Variants in HTR2C observed in about 807,000 individuals in gnomAD.
HTR2C encodes 5-hydroxytryptamine (serotonin) receptor 2C, G protein-coupled.
HTR2C carries 5 observed loss-of-function variants against 21.0 expected under a neutral mutation model. That is an observed-to-expected ratio of 0.24 (90% CI 0.12 to 0.50). The LOEUF is 0.50. HTR2C is among the 20% of genes least tolerant of loss of function. The pLI, the probability that HTR2C is intolerant of heterozygous loss-of-function variation, is 0.98. For synonymous variants in HTR2C, 150 were observed against 145.3 expected, an observed-to-expected ratio of 1.03 and a Z score of -0.23; for missense variants, 271 against 371.2, an observed-to-expected ratio of 0.73 and a Z score of 2.22.
intron 5 of HTR2C, among the ~76,000 whole-genome samples, chrX:114,852,405 G>C (rs2070925738): frequency 1.9e-5 from 2 of 104,597 alleles, no homozygotes; most frequent in Admixed American, 2.1e-4. Context: ...CATACTTCTT[G>C]AATTTATTTT....
intron 2 of HTR2C, among the ~76,000 whole-genome samples, chrX:114,642,583 C>T (rs1459511990): frequency 9.0e-5 from 10 of 111,600 alleles, no homozygotes; most frequent in African/African-American, 2.9e-4. Flanking sequence ...ATATGTAACA[C>T]GGGTAGATGC....
At chrX:114,844,303 C>T (rs1167320172) in intron 4 of HTR2C, among the ~76,000 whole-genome samples, 7 of 111,069 alleles carry the variant, frequency 6.3e-5, no homozygotes, top group Non-Finnish European at 1.3e-4. Flanking sequence ...ATAATTAAAA[C>T]TTGATTGTTA....
rs1235712269 is a variant in HTR2C, at chrX:114,689,915, C to T, written c.-79-36943C>T. On this transcript the variant is annotated intron_variant, in intron 2 of 5. Transcript: ENST00000276198. ...TTGCAGTTATTGCTGGGATCATTGG[C>T]TGTCATTTGTGAGATAATTCATAAC... Among the ~76,000 whole-genome samples, 3 of 111,591 alleles carry T rather than the reference C, an allele frequency of 2.7e-5. No homozygotes were observed. The Admixed American group carries it at 2.9e-4, about 11-fold the overall frequency.
At chrX:114,660,441 T>C (rs1386310204) in intron 2 of HTR2C, among the ~76,000 whole-genome samples, 2 of 112,423 alleles carry the variant, frequency 1.8e-5, no homozygotes, top group African/African-American at 6.5e-5. Context: ...AAGTCCATTA[T>C]CTGTTTTCAT....
intron 5 of HTR2C, among the ~76,000 whole-genome samples, chrX:114,886,904 G>A (rs897341084): frequency 9.0e-6 from 1 of 110,869 alleles, no homozygotes; most frequent in Admixed American, 9.7e-5. Flanking sequence ...AGCTGTCATT[G>A]GCAAATGTGT....
Position 114,834,474 on chromosome X carries a change from C to T in HTR2C, c.350-13529C>T, listed in dbSNP as rs782086800. Among the ~76,000 whole-genome samples the T allele has an allele frequency of 1.1e-4, 12 of 110,685 alleles. No individual in the cohort carries two copies. The East Asian group carries it at 2.9e-3, about 27-fold the overall frequency. On this transcript the variant is annotated intron_variant, in intron 4 of 5. Transcript: ENST00000276198. ...TATGTAATGGCCTTGTTTGTCTCTT[C>T]TGATCTTTGTTGATTTAAAGTCTGT...
chrX:114,715,286 G>A (rs369401500), intron 2 of HTR2C: 20 of 383,379 alleles, frequency 5.2e-5, no homozygotes, highest in Non-Finnish European at 8.9e-5. Context: ...AGTACCCTGT[G>A]TTATTTGGCA....
chrX:114,716,251 TTAAGTC>T (rs1358146058), intron 2 of HTR2C, among the ~76,000 whole-genome samples: 1 of 112,954 alleles, frequency 8.9e-6, no homozygotes, highest in East Asian at 2.8e-4. Flanking sequence ...AATAGCTACT[TTAAGTC>T]TATCAATTGG....
chrX:114,865,943 G>T, intron 5 of HTR2C, among the ~76,000 whole-genome samples: 1 of 110,911 alleles, frequency 9.0e-6, no homozygotes, highest in Non-Finnish European at 1.9e-5. Context: ...AGCCTCCTGA[G>T]TAGCTAGGAT....
intron 2 of HTR2C, among the ~76,000 whole-genome samples, chrX:114,703,592 C>T (rs191869394): frequency 1.5e-4 from 17 of 111,741 alleles, no homozygotes; most frequent in African/African-American, 3.3e-4. Context: ...GCACTAAATG[C>T]CCACAAGAGA....
chrX:114,606,647 T>G (rs936961117), intron 1 of HTR2C, among the ~76,000 whole-genome samples: 8 of 111,686 alleles, frequency 7.2e-5, no homozygotes, highest in Non-Finnish European at 1.5e-4. Flanking sequence ...GCCGTTTACC[T>G]GATTTAAAAT....
chrX:114,617,703 A>G (rs1204302859), intron 2 of HTR2C, among the ~76,000 whole-genome samples: 5 of 111,891 alleles, frequency 4.5e-5, no homozygotes, highest in Non-Finnish European at 9.4e-5. Context: ...GTAAATATAT[A>G]CACCTGCTAT....
chrX:114,641,118 G>A (rs1930102513), intron 2 of HTR2C, among the ~76,000 whole-genome samples: 1 of 102,468 alleles, frequency 9.8e-6, no homozygotes, highest in Admixed American at 1.1e-4. Flanking sequence ...GTCTACACCA[G>A]GCTGAAGTGT....
intron 2 of HTR2C, among the ~76,000 whole-genome samples, chrX:114,700,826 G>A (rs1932448079): frequency 8.9e-6 from 1 of 112,429 alleles, no homozygotes; most frequent in South Asian, 3.7e-4. Flanking sequence ...GGTGACAGAC[G>A]GCACCTGGAA....
chrX:114,691,681 C>T (rs1399836404), intron 2 of HTR2C, among the ~76,000 whole-genome samples: 4 of 111,550 alleles, frequency 3.6e-5, no homozygotes, highest in Non-Finnish European at 5.7e-5. Flanking sequence ...CAAATATCTA[C>T]GCTGATAGTT....
intron 1 of HTR2C, among the ~76,000 whole-genome samples, chrX:114,606,242 G>A (rs1928422326): frequency 9.0e-6 from 1 of 110,588 alleles, no homozygotes; most frequent in African/African-American, 3.3e-5. Flanking sequence ...GGGTGAAGGA[G>A]AAGGGCTTGA....
rs782294232 is a variant in HTR2C at position 114,887,887 on chromosome X, G to A, written c.551-18702G>A. ...AAATTAGCTGGGTGTACTGGCGGGC[G>A]CCAGTAATCCCAGCTACTTGGGAGG... On this transcript the variant is annotated intron_variant, in intron 5 of 5. Transcript: ENST00000276198. Among the ~76,000 whole-genome samples the A allele has an allele frequency of 2.0e-4, 22 of 110,469 alleles. No individual in the cohort carries two copies. In the East Asian group the frequency reaches 3.2e-3, roughly 16 times the overall value.
At chrX:114,625,032 A>T (rs1556402576) in intron 2 of HTR2C, among the ~76,000 whole-genome samples, 2 of 111,853 alleles carry the variant, frequency 1.8e-5, no homozygotes. Context: ...TAAAACCTCC[A>T]AATTTCAATA....
At chrX:114,644,392 TA>T (rs1930278063) in intron 2 of HTR2C, among the ~76,000 whole-genome samples, 8 of 83,421 alleles carry the variant, frequency 9.6e-5, no homozygotes, top group African/African-American at 3.6e-4. Flanking sequence ...TATATATATA[TA>T]TATATATATA....
Sources: gnomAD v4.1 joint callset for allele counts (sites outside exome capture counted in the v4.1 genomes callset) on GRCh38, gnomAD v4.1.1 for gene constraint, MANE v1.5 for transcripts, NCBI Gene and HGNC (gene_info 2026-07-23, HGNC 2026-07-21) for gene names.